The following CSF1 variants were observed in gnomAD, a reference collection of about 807,000 sequenced individuals.
CSF1 encodes the protein colony stimulating factor 1.
In CSF1, 9 loss-of-function variants were observed where a neutral mutation model predicts 48.9. The observed-to-expected ratio is 0.18, with a 90% confidence interval of 0.11 to 0.32. The LOEUF is 0.32. CSF1 is among the 10% of genes least tolerant of loss of function. The pLI is 1.00. For synonymous variants in CSF1, 305 were observed against 284.1 expected, an observed-to-expected ratio of 1.07 and a Z score of -0.74; for missense variants, 672 against 697.9, an observed-to-expected ratio of 0.96 and a Z score of 0.42.
At chr1:109,919,136 G>C (rs1647395652) in intron 4 of CSF1, among the ~76,000 whole-genome samples, 1 of 152,222 alleles carries the variant, frequency 6.6e-6, no homozygotes, top group Non-Finnish European at 1.5e-5. Context: ...CAGAAAGAGA[G>C]GAAGTAGAGA....
At chr1:109,914,169 A>C in intron 1 of CSF1, 90 bp from the exon 2 acceptor site, 16 of 1,352,770 alleles carry the variant, frequency 1.2e-5, no homozygotes, top group South Asian at 1.6e-5. Flanking sequence ...CATTGTAGAT[A>C]TGAGGCCTTT....
chr1:109,915,427 A>G (rs1654857511), intron 2 of CSF1, among the ~76,000 whole-genome samples: 1 of 152,110 alleles, frequency 6.6e-6, no homozygotes, highest in Admixed American at 6.6e-5. Context: ...GAAAGAAGAG[A>G]CTTCTTGTTC....
chr1:109,919,417 T>C (rs1345096830), intron 4 of CSF1, among the ~76,000 whole-genome samples: 1 of 152,108 alleles, frequency 6.6e-6, no homozygotes, highest in Non-Finnish European at 1.5e-5. Context: ...TTTGTAGAGA[T>C]AGGGTTTCGC....
Position 109,917,744 on chromosome 1 carries a change from A to C in CSF1, c.396+281A>C, listed in dbSNP as rs182215172. Among the ~76,000 whole-genome samples, 230 of 152,342 alleles carry C rather than the reference A, an allele frequency of 1.5e-3. 1 individual carries two copies. The highest frequency in any genetic ancestry group is 6.8e-3 in the Middle Eastern group (2 of 294). On this transcript the variant is annotated intron_variant, in intron 4 of 8. Coordinates refer to ENST00000329608, the MANE Select transcript of CSF1 (RefSeq NM_000757.6). ...CTGTTAAACAAACCATGACACCAGTAAATAGAATTACAAACTATAAGGACT... is the reference window on the plus strand; with the variant it reads ...CTGTTAAACAAACCATGACACCAGTCAATAGAATTACAAACTATAAGGACT...
At chr1:109,921,438 G>T (rs1291894995) in intron 4 of CSF1, among the ~76,000 whole-genome samples, 1 of 152,132 alleles carries the variant, frequency 6.6e-6, no homozygotes, top group East Asian at 1.9e-4. Context: ...TTGATTCCTT[G>T]GGGAAATTCT....
chr1:109,924,054 A>G lies in CSF1; in HGVS notation c.1433A>G (p.Asp478Gly). ...LPRFNSVPLT[D>G]TGHERQSEGS... ...CGTTTTAACTCCGTTCCTTTGACTGACACAGGCCATGAGAGGCAGTCCGAG... is the reference window on the plus strand; with the variant it reads ...CGTTTTAACTCCGTTCCTTTGACTGGCACAGGCCATGAGAGGCAGTCCGAG... Residue 478 changes from aspartate (D) to glycine (G), a missense_variant, in exon 6 of 9, where the codon GAC becomes GGC. By Grantham distance (94) the Asp-to-Gly change is moderately conservative. Transcript: ENST00000329608. 6.2e-7 allele frequency: 1 copy of G among 1,614,190 alleles called. No individual in the cohort carries two copies. Among genetic ancestry groups the G allele is most frequent in the Non-Finnish European group, 8.5e-7 (1 of 1,180,022 alleles).
intron 8 of CSF1, among the ~76,000 whole-genome samples, chr1:109,927,970 G>A (rs333948): frequency 0.2 from 31,057 of 152,172 alleles, 3,925 homozygotes; most frequent in South Asian, 0.45. Flanking sequence ...TCCAGTTTAT[G>A]GTTCCCCTTC....
At position 109,921,985 on chromosome 1, in the gene CSF1, T is replaced by G. The variant is rs778137740; in HGVS notation, c.535T>G (p.Ser179Ala). 7.5e-6 allele frequency: 12 copies of G among 1,599,912 alleles called. No homozygotes were observed. The East Asian group carries it at 2.7e-4, about 36-fold the overall frequency. The change falls in exon 5 of 9, where the codon TCC becomes GCC. Residue 179 changes from serine (S) to alanine (A), a missense_variant. Physicochemically the swap from Ser to Ala is moderately conservative, Grantham distance 99 (BLOSUM62 1). Transcript: ENST00000329608. Reference protein sequence around the residue: ...KNCNNSFAECSSQDVVTKPDC... With the variant: ...KNCNNSFAECASQDVVTKPDC... ...CTGCAACAACAGCTTTGCTGAATGC[T>G]CCAGCCAAGGTAAGCATGGCAGGGG...
intron 4 of CSF1, among the ~76,000 whole-genome samples, chr1:109,919,047 G>A (rs529406505): frequency 9.2e-5 from 14 of 152,272 alleles, no homozygotes; most frequent in South Asian, 2.1e-4. Context: ...ATAAAAAAGC[G>A]TTGAGAAATC....
intron 1 of CSF1, among the ~76,000 whole-genome samples, chr1:109,913,328 C>A (rs887972635): frequency 6.6e-6 from 1 of 152,184 alleles, no homozygotes; most frequent in Non-Finnish European, 1.5e-5. Flanking sequence ...GAGGTGACCT[C>A]AAGCTGGAGA....
At chr1:109,915,135 C>T (rs1423531361) in intron 2 of CSF1, among the ~76,000 whole-genome samples, 2 of 152,182 alleles carry the variant, frequency 1.3e-5, no homozygotes, top group Admixed American at 6.5e-5. Context: ...ACTACTTCTC[C>T]TGTATGTAGT....
chr1:109,912,902 G>C (rs60806931), intron 1 of CSF1, among the ~76,000 whole-genome samples: 4,437 of 151,386 alleles, frequency 0.029, 236 homozygotes, highest in African/African-American at 0.1. Context: ...CCCTCCCTCA[G>C]ATCAGCCAGG....
intron 1 of CSF1, among the ~76,000 whole-genome samples, chr1:109,912,214 G>A (rs886836581): frequency 2.0e-5 from 3 of 152,028 alleles, no homozygotes; most frequent in Non-Finnish European, 4.4e-5. Flanking sequence ...GAAAGACAAG[G>A]GGGCTGTGTT....
At chr1:109,919,949 AATAAATAAATAAATAAAT>A (rs1557734855) in intron 4 of CSF1, among the ~76,000 whole-genome samples, 1 of 148,596 alleles carries the variant, frequency 6.7e-6, no homozygotes, top group Non-Finnish European at 1.5e-5. Flanking sequence ...TAAATAAATA[AATAAATAAATAAATAAAT>A]AAATAAATAA....
chr1:109,919,338 A>G (rs796263939), intron 4 of CSF1, among the ~76,000 whole-genome samples: 10 of 152,296 alleles, frequency 6.6e-5, no homozygotes, highest in South Asian at 2.1e-4. Context: ...CCCAGGCTCA[A>G]TTGATCCTCT....
At chr1:109,911,703 C>A (rs971119710) in intron 1 of CSF1, among the ~76,000 whole-genome samples, 45 of 152,210 alleles carry the variant, frequency 3.0e-4, no homozygotes, top group African/African-American at 1.0e-3. Flanking sequence ...CTGCTTGGGG[C>A]TAGCTCAGAA....
intron 8 of CSF1, among the ~76,000 whole-genome samples, chr1:109,926,897 C>T (rs1191733666): frequency 6.6e-6 from 1 of 152,196 alleles, no homozygotes; most frequent in East Asian, 1.9e-4. Flanking sequence ...GAGAGGGCCT[C>T]TCCACATTTG....
chr1:109,921,211 G>A (rs1483123580), intron 4 of CSF1, among the ~76,000 whole-genome samples: 1 of 152,124 alleles, frequency 6.6e-6, no homozygotes, highest in Non-Finnish European at 1.5e-5. Flanking sequence ...CTTGGCCCAC[G>A]AGGCCCTCAA....
intron 1 of CSF1, among the ~76,000 whole-genome samples, chr1:109,911,304 C>T (rs1287827547): frequency 6.6e-6 from 1 of 152,188 alleles, no homozygotes; most frequent in Admixed American, 6.5e-5. Flanking sequence ...GAGGGCTGCT[C>T]ACCCCATTGC....
Sources: allele counts gnomAD v4.1 joint callset (sites outside exome capture counted in the v4.1 genomes callset), GRCh38; gene constraint gnomAD v4.1.1; transcripts MANE v1.5; gene names NCBI Gene and HGNC (gene_info 2026-07-23, HGNC 2026-07-21).